The following TAB1 variants were observed in gnomAD, a reference collection of about 807,000 sequenced individuals.
TAB1 encodes TGF-beta-activated kinase 1 and MAP3K7-binding protein 1.
Under a neutral mutation model 54.5 loss-of-function variants are expected in TAB1, and 30 were observed. The ratio of observed to expected loss-of-function variants is 0.55; its 90% CI spans 0.41 to 0.75. TAB1 has a LOEUF of 0.75. Among genes scored for constraint, TAB1 ranks in the 30% least tolerant of loss-of-function variants. The pLI is 0.00. For synonymous variants in TAB1, 289 were observed against 286.9 expected (o/e 1.01, Z -0.07); for missense variants, 609 against 683.2 (o/e 0.89, Z 1.21).
At chr22:39,414,787 T>G in intron 1 of TAB1, 2 of 535,712 alleles carry the variant, frequency 3.7e-6, no homozygotes, top group Non-Finnish European at 6.6e-6. Flanking sequence ...TGGTGGAGTC[T>G]CAGTTTTCCT....
chr22:39,427,270 T>C (rs1927391168), intron 9 of TAB1, among the ~76,000 whole-genome samples: 2 of 152,172 alleles, frequency 1.3e-5, no homozygotes, highest in African/African-American at 4.8e-5. Flanking sequence ...TTCCCTTCAG[T>C]CCTCATGGGC....
chr22:39,410,593 G>T (rs1300596697), intron 1 of TAB1, among the ~76,000 whole-genome samples: 2 of 150,842 alleles, frequency 1.3e-5, no homozygotes, highest in African/African-American at 4.9e-5. Context: ...CATTAGTAGG[G>T]TTTGGTTATA....
intron 8 of TAB1, 50 bp from the exon 9 acceptor site, chr22:39,426,653 C>T (rs751053339): frequency 6.6e-7 from 1 of 1,519,494 alleles, no homozygotes; most frequent in Non-Finnish European, 9.0e-7. Flanking sequence ...GCCCATGCCC[C>T]CCAGGCCGCA....
At chr22:39,422,224 G>A (rs35640891) in intron 8 of TAB1, among the ~76,000 whole-genome samples, 2 of 152,224 alleles carry the variant, frequency 1.3e-5, no homozygotes, top group African/African-American at 2.4e-5. Flanking sequence ...GGAGATGGAT[G>A]TGAATTGCTA....
At chr22:39,410,156 G>T (rs980191550) in intron 1 of TAB1, among the ~76,000 whole-genome samples, 3 of 152,280 alleles carry the variant, frequency 2.0e-5, no homozygotes, top group African/African-American at 7.2e-5. Context: ...CATCCAGGCT[G>T]GAGTGCAGTG....
chr22:39,405,484 T>C (rs1253467412), intron 1 of TAB1, among the ~76,000 whole-genome samples: 1 of 152,264 alleles, frequency 6.6e-6, no homozygotes, highest in Non-Finnish European at 1.5e-5. Flanking sequence ...GATGAGGCTG[T>C]GCTGAGTGAG....
Position 39,415,769 on chromosome 22 carries a change from C to T in TAB1, c.324+116C>T, listed in dbSNP as rs1926806577. The T allele has an allele frequency of 7.3e-7, 1 of 1,367,474 alleles. No individual in the cohort carries two copies. Among genetic ancestry groups the T allele is most frequent in the African/African-American group, 1.4e-5 (1 of 69,982 alleles). 84.7% of individuals were successfully genotyped at this position (1,367,474 alleles called of 1,614,324 possible). A position where few individuals can be genotyped will look rare whatever the true frequency, so the allele number is the denominator to read the frequency against. On this transcript the variant is annotated intron_variant, in intron 3 of 10. Coordinates refer to ENST00000216160, the MANE Select transcript of TAB1 (RefSeq NM_006116.3). This position sits in a 1 kb window ranked among gnomAD's most constrained non-coding sequence, Gnocchi z 4.9. The stretch of plus-strand genomic sequence containing the variant: ...GGTGTGAAGATCCTGCCGGCCCCTT[C>T]ACCCCAGTAGAGGAGCAGCTCCCAG...
Position 39,419,603 on chromosome 22 carries a change from A to G in TAB1, c.749A>G (p.Tyr250Cys). 6.2e-7 allele frequency: 1 copy of G among 1,612,286 alleles called. No homozygotes were observed. The highest frequency in any genetic ancestry group is 8.5e-7 in the Non-Finnish European group (1 of 1,178,912). Residue 250 changes from tyrosine to cysteine, a missense_variant, in exon 7 of 11, where the codon TAT (tyrosine) becomes TGT (cysteine). By Grantham distance (194) the Tyr-to-Cys change is radical (BLOSUM62 -2). Coordinates refer to ENST00000216160, the MANE Select transcript of TAB1 (RefSeq NM_006116.3). Reference protein sequence around the residue: ...TRRIGDYKVKYGYTDIDLLSA... With the variant: ...TRRIGDYKVKCGYTDIDLLSA... ...CGGATCGGGGATTACAAGGTTAAAT[A>G]TGGCTACACGGACATTGACCTTCTC...
Position 39,415,436 on chromosome 22 carries a change from C to G in TAB1, c.171-64C>G, listed in dbSNP as rs1166743900. The G allele has an allele frequency of 4.2e-5, 66 of 1,581,014 alleles. No individual in the cohort carries two copies. Among genetic ancestry groups the G allele is most frequent in the Non-Finnish European group, 5.5e-5 (64 of 1,154,564 alleles). ...CTTTAGTCTCCCCCAATTCCTTTCCCTTTCTCCCTCCACCTCCGTGAGACC... is the reference window on the plus strand; with the variant it reads ...CTTTAGTCTCCCCCAATTCCTTTCCGTTTCTCCCTCCACCTCCGTGAGACC... On this transcript the variant is annotated intron_variant, in intron 2 of 10. Coordinates refer to ENST00000216160, the MANE Select transcript of TAB1 (RefSeq NM_006116.3). This position sits in a 1 kb window ranked among gnomAD's most constrained non-coding sequence, Gnocchi z 4.9.
chr22:39,429,873 G>A (rs1470234372), intron 10 of TAB1, 142 bp from the exon 11 acceptor site: 12 of 1,488,354 alleles, frequency 8.1e-6, no homozygotes, highest in African/African-American at 5.6e-5. Flanking sequence ...TCATCTGGCT[G>A]GGCCAGCTCC....
downstream of TAB1, chr22:39,436,385 C>G (rs1050000017): frequency 1.2e-6 from 1 of 853,782 alleles, no homozygotes; most frequent in East Asian, 2.4e-5. Context: ...AGTTGGTATC[C>G]GTGGCCTCAG....
At position 39,428,154 on chromosome 22, in the gene TAB1, C is replaced by G; in HGVS notation, c.1278C>G (p.Thr426=). 1 of 1,611,242 alleles carries G rather than the reference C, an allele frequency of 6.2e-7. No homozygotes were observed. Among genetic ancestry groups the G allele is most frequent in the South Asian group, 1.1e-5 (1 of 90,866 alleles). Reference sequence around the variant, plus strand: ...TCAACGGGGCTCACAGTGCTTCCACCCTGGACGAAGCCACCCCCACCCTCA... The same window carrying G: ...TCAACGGGGCTCACAGTGCTTCCACGCTGGACGAAGCCACCCCCACCCTCA... ...QMVNGAHSAS[T]LDEATPTLTN... The change falls in exon 10 of 11, where the codon ACC becomes ACG. Residue 426 remains threonine, a synonymous_variant. Coordinates refer to ENST00000216160, the MANE Select transcript of TAB1 (RefSeq NM_006116.3).
chr22:39,416,394 G>C (rs1926835343), intron 3 of TAB1, among the ~76,000 whole-genome samples: 2 of 152,216 alleles, frequency 1.3e-5, no homozygotes, highest in Admixed American at 6.5e-5. Flanking sequence ...TTGCCTTGCT[G>C]AGTGCCAGGT....
At chr22:39,436,953 GAGA>G (rs777177746), downstream of TAB1, 15 of 189,122 alleles carry the variant, frequency 7.9e-5, no homozygotes, top group Non-Finnish European at 1.5e-4. Flanking sequence ...GCTATTCTGA[GAGA>G]AGGACTCCAA....
At chr22:39,417,391 C>T (rs962201648) in intron 4 of TAB1, among the ~76,000 whole-genome samples, 1 of 152,124 alleles carries the variant, frequency 6.6e-6, no homozygotes, top group Non-Finnish European at 1.5e-5. Context: ...GAGGCCGAGG[C>T]GGGCGGATCA....
chr22:39,436,789 T>C (rs1347055793), downstream of TAB1: 5 of 576,964 alleles, frequency 8.7e-6, no homozygotes, highest in Non-Finnish European at 1.5e-5. Flanking sequence ...TCTCATCTTC[T>C]TTCCAGGGAC....
Position 39,419,601 on chromosome 22 carries a change from A to G in TAB1, c.747A>G (p.Lys249=), listed in dbSNP as rs376194594. ...GGCGGATCGGGGATTACAAGGTTAA[A>G]TATGGCTACACGGACATTGACCTTC... ...STRRIGDYKV[K]YGYTDIDLLS... is the part of the protein sequence containing the mutation. Residue 249 remains lysine (K), a synonymous_variant, in exon 7 of 11, where the codon AAA becomes AAG. Coordinates refer to ENST00000216160, the MANE Select transcript of TAB1 (RefSeq NM_006116.3). 4.3e-5 allele frequency: 70 copies of G among 1,612,244 alleles called. No individual in the cohort carries two copies. The highest frequency in any genetic ancestry group is 5.8e-5 in the Non-Finnish European group (68 of 1,179,012).
rs1926205004 is a variant in TAB1, at chr22:39,402,824, T to C, written c.33+2989T>C. 2.0e-5 allele frequency among the ~76,000 whole-genome samples: 3 copies of C among 152,320 alleles called. No homozygotes were observed. The South Asian group carries it at 6.2e-4, about 32-fold the overall frequency. ...GCCTGGGCCTCCCAAAGTGCTAGGA[T>C]TACAGGTGTGAGCCACTGTGCCCGG... On this transcript the variant is annotated intron_variant, in intron 1 of 10. Coordinates refer to ENST00000216160, the MANE Select transcript of TAB1 (RefSeq NM_006116.3).
intron 1 of TAB1, among the ~76,000 whole-genome samples, chr22:39,413,626 G>C (rs1926701927): frequency 1.3e-5 from 2 of 152,070 alleles, no homozygotes; most frequent in South Asian, 4.1e-4. Flanking sequence ...GGTTTCACCA[G>C]GTTGGCTAGG....
Sources: allele counts gnomAD v4.1 joint callset (sites outside exome capture counted in the v4.1 genomes callset), GRCh38; gene constraint gnomAD v4.1.1; non-coding constraint Gnocchi (gnomAD v3.1); transcripts MANE v1.5; gene names NCBI Gene and HGNC (gene_info 2026-07-23, HGNC 2026-07-21).